RIMOC1: variants seen among roughly 807,000 people sequenced by gnomAD.
RIMOC1 encodes RAB7A interacting MON1-CCZ1 complex subunit 1.
chr5:41,906,941 G>C, the RIMOC1 span, among the ~76,000 whole-genome samples: 1 of 152,202 alleles, frequency 6.6e-6, no homozygotes, highest in Non-Finnish European at 1.5e-5. Flanking sequence ...TTAGTGTCTT[G>C]ATTATGGGTG....
At chr5:41,916,576 C>A in the RIMOC1 span, 1 of 563,226 alleles carries the variant, frequency 1.8e-6, no homozygotes, top group Non-Finnish European at 2.2e-6. Context: ...TTGACTTTAG[C>A]TATATGAATT....
the RIMOC1 span, chr5:41,918,600 G>C: frequency 1.0e-6 from 1 of 985,262 alleles, no homozygotes. Flanking sequence ...TCTTTGTGAT[G>C]GGTAGTCCTT....
chr5:41,910,992 A>G, the RIMOC1 span: 308 of 1,572,326 alleles, frequency 2.0e-4, no homozygotes, highest in Non-Finnish European at 2.4e-4. Context: ...TTTAACTTCA[A>G]CTTTTATAGA....
the RIMOC1 span, among the ~76,000 whole-genome samples, chr5:41,908,076 C>T: frequency 7.2e-5 from 11 of 151,974 alleles, no homozygotes; most frequent in African/African-American, 2.2e-4. Context: ...TTACAGATAA[C>T]GGAATTGTTT....
the RIMOC1 span, chr5:41,916,875 A>G: frequency 5.1e-6 from 3 of 588,276 alleles, no homozygotes; most frequent in African/African-American, 3.7e-5. Context: ...TGTGTTAGTC[A>G]TATTTGGCTT....
At chr5:41,904,523 G>C in the RIMOC1 span, 1 of 1,515,690 alleles carries the variant, frequency 6.6e-7, no homozygotes. Context: ...AGGTACTGGC[G>C]CTCGATGGCT....
At chr5:41,920,651 GT>G in the RIMOC1 span, 5 of 152,144 alleles carry the variant, frequency 3.3e-5, no homozygotes, top group Admixed American at 3.3e-4. Flanking sequence ...ATATTTAGGG[GT>G]GGTTGGGAAC....
the RIMOC1 span, among the ~76,000 whole-genome samples, chr5:41,913,833 T>G: frequency 6.6e-6 from 1 of 152,158 alleles, no homozygotes; most frequent in Admixed American, 6.5e-5. Flanking sequence ...TTATTGTGAA[T>G]ACAAAAAGCT....
the RIMOC1 span, among the ~76,000 whole-genome samples, chr5:41,915,895 GGTGAA>G: frequency 2.0e-5 from 3 of 152,142 alleles, no homozygotes; most frequent in Non-Finnish European, 4.4e-5. Context: ...CAGAAATTGA[GGTGAA>G]GTGAAGGTGA....
At chr5:41,918,077 G>A in the RIMOC1 span, 2 of 984,954 alleles carry the variant, frequency 2.0e-6, no homozygotes, top group Non-Finnish European at 2.4e-6. Context: ...TAATAGGGGT[G>A]AGTGTTAAAG....
At chr5:41,921,174 A>G in the RIMOC1 span, 2 of 152,612 alleles carry the variant, frequency 1.3e-5, no homozygotes, top group East Asian at 1.9e-4. Flanking sequence ...AAACCCCACA[A>G]TAACTTTACA....
chr5:41,911,884 G>A, the RIMOC1 span, among the ~76,000 whole-genome samples: 1 of 151,462 alleles, frequency 6.6e-6, no homozygotes, highest in Non-Finnish European at 1.5e-5. Context: ...CATTTCAAGG[G>A]GTATATTTAT....
At chr5:41,905,777 ATTTCCCTTGGAAGAGTTC>A in the RIMOC1 span, among the ~76,000 whole-genome samples, 1 of 152,242 alleles carries the variant, frequency 6.6e-6, no homozygotes, top group Non-Finnish European at 1.5e-5. Context: ...AGCCATTCTC[ATTTCCCTTGGAAGAGTTC>A]TTTAATCTGG....
At chr5:41,918,060 C>A in the RIMOC1 span, 1 of 984,994 alleles carries the variant, frequency 1.0e-6, no homozygotes, top group African/African-American at 1.7e-5. Context: ...ATGTTTTTTG[C>A]CTTTAATAAT....
At chr5:41,917,205 A>C in the RIMOC1 span, 7 of 1,613,884 alleles carry the variant, frequency 4.3e-6, no homozygotes, top group Non-Finnish European at 5.9e-6. Flanking sequence ...TTGAAAAAGT[A>C]TGTATCTGTG....
the RIMOC1 span, among the ~76,000 whole-genome samples, chr5:41,908,676 T>C: frequency 3.9e-5 from 6 of 152,160 alleles, no homozygotes; most frequent in African/African-American, 1.4e-4. Context: ...TTTTGCTTGG[T>C]TTTCTTTCTG....
At chr5:41,904,599 T>G in the RIMOC1 span, 2 of 776,566 alleles carry the variant, frequency 2.6e-6, no homozygotes, top group Non-Finnish European at 4.2e-6. Context: ...ACCCGAGGTC[T>G]GTCGCTTCTG....
At chr5:41,914,095 T>A in the RIMOC1 span, among the ~76,000 whole-genome samples, 1 of 152,168 alleles carries the variant, frequency 6.6e-6, no homozygotes, top group African/African-American at 2.4e-5. Context: ...ATCACCTGTT[T>A]TCCTAATTCT....
chr5:41,914,260 G>C, the RIMOC1 span, among the ~76,000 whole-genome samples: 1 of 152,054 alleles, frequency 6.6e-6, no homozygotes, highest in Admixed American at 6.6e-5. Context: ...GGTCAGATAG[G>C]GTAGCATTTT....
Sources: allele counts gnomAD v4.1 joint callset (sites outside exome capture counted in the v4.1 genomes callset), GRCh38; gene constraint gnomAD v4.1.1; transcripts MANE v1.5; gene names NCBI Gene and HGNC (gene_info 2026-07-23, HGNC 2026-07-21).